TTC39A: variants seen among roughly 807,000 people sequenced by gnomAD.
The protein encoded by TTC39A is tetratricopeptide repeat protein 39A.
A neutral mutation model predicts 82.3 loss-of-function variants in TTC39A; 46 were observed. The observed-to-expected ratio is 0.56, with a 90% confidence interval of 0.44 to 0.71. TTC39A has a LOEUF of 0.71. Ranked by LOEUF, TTC39A falls within the 30% of genes least tolerant of loss-of-function variation. The probability of loss-of-function intolerance (pLI) is 0.00; values close to 1 mark genes in which losing one functional copy is unlikely to be tolerated. For missense variants in TTC39A, 543 were observed against 712.9 expected (o/e 0.76, Z 2.71); for synonymous variants, 254 against 275.2 (o/e 0.92, Z 0.76).
At chr1:51,333,334 C>T (rs1422365588), upstream of TTC39A, among the ~76,000 whole-genome samples, 1 of 151,898 alleles carries the variant, frequency 6.6e-6, no homozygotes, top group East Asian at 1.9e-4. Context: ...ATTCATTATG[C>T]ATATGCAAAT....
At chr1:51,330,865 C>T (rs1241289497), upstream of TTC39A, 1 of 561,046 alleles carries the variant, frequency 1.8e-6, no homozygotes, top group Non-Finnish European at 3.2e-6. The surrounding 1 kb of genome is among the most constrained non-coding windows in gnomAD (Gnocchi z 4.5). Flanking sequence ...ACTTCTCCTC[C>T]CCACAGCTTC....
At chr1:51,325,196 G>A (rs2148293306) in intron 1 of TTC39A, among the ~76,000 whole-genome samples, 1 of 151,822 alleles carries the variant, frequency 6.6e-6, no homozygotes, top group African/African-American at 2.4e-5. Context: ...AGAGGTTGTG[G>A]TGAGCAGAGA....
chr1:51,336,346 C>T (rs766293820), upstream of TTC39A, among the ~76,000 whole-genome samples: 6 of 152,066 alleles, frequency 3.9e-5, no homozygotes, highest in Admixed American at 6.5e-5. Context: ...CAAGTCACTG[C>T]CCCACTGTGG....
At position 51,330,190 on chromosome 1, in the gene TTC39A, C is replaced by T; in HGVS notation, c.41+247G>A. 1.0e-6 allele frequency: 1 copy of T among 985,566 alleles called. No individual in the cohort carries two copies. The highest frequency in any genetic ancestry group is 1.2e-6 in the Non-Finnish European group (1 of 830,090). The allele number at this position is 985,566 out of a possible 1,614,324, so 61.1% of individuals were successfully genotyped here. On this transcript the variant is annotated intron_variant, in intron 1 of 17. Transcript: ENST00000680483. The surrounding 1 kb of genome is among the most constrained non-coding windows in gnomAD (Gnocchi z 4.5). ...CTGAACGTGTCTGTGACTACAGCTC[C>T]GTGAGAAAGTTGGGACCCAGAAGGT...
chr1:51,307,815 T>C (rs970199872), intron 6 of TTC39A, among the ~76,000 whole-genome samples: 2 of 152,120 alleles, frequency 1.3e-5, no homozygotes, highest in African/African-American at 4.8e-5. Context: ...ATACATATCA[T>C]GAAATTTAAC....
Position 51,330,332 on chromosome 1 carries a change from G to C in TTC39A, c.41+105C>G, listed in dbSNP as rs1310561530. On this transcript the variant is annotated intron_variant, in intron 1 of 17. Transcript: ENST00000680483. The surrounding 1 kb of genome is among the most constrained non-coding windows in gnomAD (Gnocchi z 4.5). The stretch of plus-strand genomic sequence containing the variant: ...GGGTGGGGGCTGGAAGCCGCAGTGC[G>C]GCCCCAGGCCGGTGCGCGGGGGGAG... The C allele has an allele frequency of 4.4e-6, 4 of 914,224 alleles. No individual in the cohort carries two copies. Among genetic ancestry groups the C allele is most frequent in the East Asian group, 2.4e-4 (2 of 8,438 alleles). The allele number at this position is 914,224 out of a possible 1,614,324, so 56.6% of individuals were successfully genotyped here.
In TTC39A at chr1:51,296,102, C is replaced by A; in HGVS notation, c.1122G>T (p.Gly374=). 6.3e-7 allele frequency: 1 copy of A among 1,596,980 alleles called. No homozygotes were observed. Among genetic ancestry groups the A allele is most frequent in the East Asian group, 2.3e-5 (1 of 44,146 alleles). Residue 374 remains glycine (G), a synonymous_variant, in exon 13 of 18, where the codon GGG becomes GGT. Transcript: ENST00000680483. ...MFGKEDHKPF[G]DDEVELFRAV... is the part of the protein sequence containing the mutation. ...ACCGAAATAATTCCACTTCGTCGTCCCCGAACGGCTTGTGGTCCTCCTTCC... is the reference window on the plus strand; with the variant it reads ...ACCGAAATAATTCCACTTCGTCGTCACCGAACGGCTTGTGGTCCTCCTTCC...
intron 6 of TTC39A, among the ~76,000 whole-genome samples, chr1:51,306,889 G>A (rs1364823442): frequency 2.5e-5 from 3 of 119,858 alleles, no homozygotes. Flanking sequence ...GTCACTATGA[G>A]GGTGATGACA....
intron 1 of TTC39A, among the ~76,000 whole-genome samples, chr1:51,322,901 T>C (rs1239934430): frequency 6.6e-6 from 1 of 152,230 alleles, no homozygotes; most frequent in Non-Finnish European, 1.5e-5. Flanking sequence ...TCTCCCACTC[T>C]GAGATGCATC....
chr1:51,312,768 G>A, intron 3 of TTC39A, 44 bp downstream of exon 3: 1 of 1,599,188 alleles, frequency 6.3e-7, no homozygotes, highest in Non-Finnish European at 8.5e-7. Flanking sequence ...GTGACAGCAG[G>A]GTGGGCCTCC....
chr1:51,330,622 C>T (rs1645881856), upstream of TTC39A: 21 of 983,246 alleles, frequency 2.1e-5, 1 homozygote, highest in South Asian at 9.7e-4. The surrounding 1 kb of genome is among the most constrained non-coding windows in gnomAD (Gnocchi z 4.5). Flanking sequence ...GCGGCGGGGC[C>T]GGGCCGAGCC....
chr1:51,309,554 GC>G (rs1645006343), intron 5 of TTC39A: 2 of 954,634 alleles, frequency 2.1e-6, no homozygotes, highest in African/African-American at 3.4e-5. Flanking sequence ...TTGGAGAGAG[GC>G]CTGGAGGGGC....
At chr1:51,317,792 C>T (rs978324442) in intron 2 of TTC39A, among the ~76,000 whole-genome samples, 3 of 152,204 alleles carry the variant, frequency 2.0e-5, no homozygotes, top group Middle Eastern at 3.4e-3. Context: ...AGGAAAGGAT[C>T]CTTTTCTGGA....
intron 2 of TTC39A, among the ~76,000 whole-genome samples, chr1:51,320,537 C>T (rs745891197): frequency 6.7e-6 from 1 of 150,324 alleles, no homozygotes; most frequent in Non-Finnish European, 1.5e-5. Context: ...AATCCTCCCA[C>T]TTCAGCCTCC....
rs140852178 is a variant in TTC39A at position 51,288,573 on chromosome 1, C to G, written c.1610+266G>C. Among the ~76,000 whole-genome samples, 3 of 152,188 alleles carry G rather than the reference C, an allele frequency of 2.0e-5. No homozygotes were observed. The East Asian group carries it at 5.8e-4, about 29-fold the overall frequency. On this transcript the variant is annotated intron_variant, in intron 17 of 17. Transcript: ENST00000680483. This position sits in a 1 kb window ranked among gnomAD's most constrained non-coding sequence, Gnocchi z 4.8. ...GGAAGGCAGGAGGCATGGGTCCTCACACAGCCATGCAGTTGGCTTCTGATG... is the reference window on the plus strand; with the variant it reads ...GGAAGGCAGGAGGCATGGGTCCTCAGACAGCCATGCAGTTGGCTTCTGATG...
intron 8 of TTC39A, among the ~76,000 whole-genome samples, chr1:51,303,829 C>T (rs544011775): frequency 1.3e-5 from 2 of 152,346 alleles, no homozygotes; most frequent in South Asian, 2.1e-4. Context: ...CTGGCCAGGC[C>T]ACACTGCCTC....
chr1:51,334,550 G>C (rs1295489361), upstream of TTC39A, among the ~76,000 whole-genome samples: 1 of 152,000 alleles, frequency 6.6e-6, no homozygotes, highest in African/African-American at 2.4e-5. Context: ...AGCTACTCCA[G>C]AGTCTGAGGC....
intron 14 of TTC39A, among the ~76,000 whole-genome samples, chr1:51,292,671 T>A (rs1157040332): frequency 6.6e-6 from 1 of 152,162 alleles, no homozygotes; most frequent in Non-Finnish European, 1.5e-5. Flanking sequence ...TCTCAAACGA[T>A]CCACCTACCC....
chr1:51,324,349 C>T (rs1440737135), intron 1 of TTC39A, among the ~76,000 whole-genome samples: 1 of 152,088 alleles, frequency 6.6e-6, no homozygotes, highest in Non-Finnish European at 1.5e-5. Flanking sequence ...CCTTCTTTCC[C>T]ATCTGTTGAG....
Sources: allele counts gnomAD v4.1 joint callset (sites outside exome capture counted in the v4.1 genomes callset), GRCh38; gene constraint gnomAD v4.1.1; non-coding constraint Gnocchi (gnomAD v3.1); transcripts MANE v1.5; gene names NCBI Gene and HGNC (gene_info 2026-07-23, HGNC 2026-07-21).